RARRES1: variants seen among roughly 807,000 people sequenced by gnomAD.
The protein encoded by RARRES1 is retinoic acid receptor responder protein 1.
In RARRES1, 34 loss-of-function variants were observed where a neutral mutation model predicts 30.6. That is an observed-to-expected ratio of 1.11 (90% CI 0.84 to 1.48). RARRES1 has a LOEUF of 1.48. Among genes scored for constraint, RARRES1 ranks in the 40% most tolerant of loss-of-function variants. The pLI is 0.00. For synonymous variants in RARRES1, 153 were observed against 155.5 expected (o/e 0.98, Z 0.12); for missense variants, 373 against 386.5 (o/e 0.97, Z 0.29).
intron 1 of RARRES1, among the ~76,000 whole-genome samples, chr3:158,721,148 A>G (rs1727499470): frequency 6.6e-6 from 1 of 152,126 alleles, no homozygotes; most frequent in Admixed American, 6.5e-5. Flanking sequence ...TGCTCTGGAA[A>G]GGTAGTGTGT....
chr3:158,714,444 C>A (rs895654859), intron 1 of RARRES1, among the ~76,000 whole-genome samples: 1 of 152,152 alleles, frequency 6.6e-6, no homozygotes, highest in African/African-American at 2.4e-5. Flanking sequence ...GTGGGGGACA[C>A]CCGGTACAGG....
At chr3:158,715,108 G>C (rs1338469816) in intron 1 of RARRES1, among the ~76,000 whole-genome samples, 2 of 152,204 alleles carry the variant, frequency 1.3e-5, no homozygotes, top group African/African-American at 4.8e-5. Context: ...GTCTTCAAAC[G>C]AGTTCTGTTG....
intron 1 of RARRES1, among the ~76,000 whole-genome samples, chr3:158,725,739 A>AG (rs1328983823): frequency 6.6e-6 from 1 of 152,234 alleles, no homozygotes; most frequent in African/African-American, 2.4e-5. Flanking sequence ...CAAAGTGCCA[A>AG]GGAGGTCAAA....
rs555244302 is a variant in RARRES1, at chr3:158,719,018, A to G, written c.277-5159T>C. Among the ~76,000 whole-genome samples the G allele has an allele frequency of 5.9e-5, 9 of 152,314 alleles. 1 individual carries two copies. In the East Asian group the frequency reaches 1.7e-3, roughly 29 times the overall value. On this transcript the variant is annotated intron_variant, in intron 1 of 5. Coordinates refer to ENST00000237696, the MANE Select transcript of RARRES1 (RefSeq NM_206963.2). ...CCAGAACTGCCCATCTGTGAAACAG[A>G]TCAGGAAACTTGACATCCCTTTCTT...
At chr3:158,700,223 GTATA>G (rs201043411) in intron 4 of RARRES1, among the ~76,000 whole-genome samples, 94 of 147,340 alleles carry the variant, frequency 6.4e-4, no homozygotes, top group Admixed American at 1.7e-3. Context: ...GTGTGTGTGT[GTATA>G]TATATATATA....
chr3:158,705,682 A>T (rs1040470356), intron 3 of RARRES1: 1 of 152,318 alleles, frequency 6.6e-6, no homozygotes, highest in South Asian at 2.1e-4. Flanking sequence ...TCTACAGTCA[A>T]TGTGATGGTG....
rs544453035 is a variant in RARRES1 at position 158,722,053 on chromosome 3, T to C, written c.277-8194A>G. Among the ~76,000 whole-genome samples the C allele has an allele frequency of 2.6e-4, 34 of 130,262 alleles. No individual in the cohort carries two copies. In the Admixed American group the frequency reaches 2.6e-3, roughly 10 times the overall value. The allele number at this position is 130,262 out of a possible 152,430, so 85.5% of individuals were successfully genotyped here. A position where few individuals can be genotyped will look rare whatever the true frequency, so the allele number is the denominator to read the frequency against. On this transcript the variant is annotated intron_variant, in intron 1 of 5. Coordinates refer to ENST00000237696, the MANE Select transcript of RARRES1 (RefSeq NM_206963.2). ...TTGCGGGTGAGCCGAGATGGCATAATTGCACTCCAGCCTGGGCAACAAGAA... is the reference window on the plus strand; with the variant it reads ...TTGCGGGTGAGCCGAGATGGCATAACTGCACTCCAGCCTGGGCAACAAGAA...
At chr3:158,713,209 A>G (rs999886389) in intron 2 of RARRES1, among the ~76,000 whole-genome samples, 1 of 152,098 alleles carries the variant, frequency 6.6e-6, no homozygotes, top group African/African-American at 2.4e-5. Flanking sequence ...AGCTTGGCCT[A>G]GCACAAGGAA....
chr3:158,701,775 A>G (rs1454847312), intron 4 of RARRES1, among the ~76,000 whole-genome samples: 2 of 152,214 alleles, frequency 1.3e-5, no homozygotes, highest in African/African-American at 4.8e-5. Flanking sequence ...TTTTCTTTAA[A>G]AGAACTCTAA....
chr3:158,728,716 G>T (rs1727777154), intron 1 of RARRES1, among the ~76,000 whole-genome samples: 1 of 151,832 alleles, frequency 6.6e-6, no homozygotes, highest in Non-Finnish European at 1.5e-5. Context: ...TAGAGATGGG[G>T]TTTCACCATG....
At chr3:158,705,271 A>C (rs1049108461) in intron 3 of RARRES1, among the ~76,000 whole-genome samples, 2 of 152,126 alleles carry the variant, frequency 1.3e-5, no homozygotes, top group Non-Finnish European at 2.9e-5. Flanking sequence ...ACCACCCTTC[A>C]GGCCTGAGCT....
chr3:158,712,576 A>G (rs1239004630), intron 2 of RARRES1, among the ~76,000 whole-genome samples: 1 of 152,188 alleles, frequency 6.6e-6, no homozygotes, highest in Non-Finnish European at 1.5e-5. Flanking sequence ...AACATAGAAA[A>G]AAGGTGAAGG....
At chr3:158,728,994 A>C (rs191804359) in intron 1 of RARRES1, among the ~76,000 whole-genome samples, 230 of 152,226 alleles carry the variant, frequency 1.5e-3, no homozygotes, top group African/African-American at 5.2e-3. Context: ...CCTATGCTAA[A>C]TATGAATTAG....
At chr3:158,730,861 G>A (rs943876276) in intron 1 of RARRES1, among the ~76,000 whole-genome samples, 39 of 152,090 alleles carry the variant, frequency 2.6e-4, no homozygotes, top group Middle Eastern at 3.4e-3. Flanking sequence ...TCGGCTCACC[G>A]CAACCTCCGC....
intron 1 of RARRES1, among the ~76,000 whole-genome samples, chr3:158,730,365 C>CTCGCTCCTTCCT (rs1553746333): frequency 8.3e-6 from 1 of 120,240 alleles, no homozygotes; most frequent in East Asian, 2.9e-4. Flanking sequence ...GAATAGGTTG[C>CTCGCTCCTTCCT]TCCTTCCTTC....
chr3:158,697,542 A>G lies in RARRES1; in HGVS notation c.*136T>C, dbSNP rs1201098662. On this transcript the variant is annotated 3_prime_UTR_variant, in exon 6 of 6. Coordinates refer to ENST00000237696, the MANE Select transcript of RARRES1 (RefSeq NM_206963.2). ...AGAAACAAAAAACCAACATCTTTGC[A>G]TTTCTGAGTTTTTACTTGTAATCAT... is the stretch of plus-strand genomic sequence containing the variant. 11 of 971,710 alleles carry G rather than the reference A, an allele frequency of 1.1e-5. No individual in the cohort carries two copies. The highest frequency in any genetic ancestry group is 1.6e-5 in the Non-Finnish European group (11 of 668,732). 60.2% of individuals were successfully genotyped at this position (971,710 alleles called of 1,614,324 possible). A position where few individuals can be genotyped will look rare whatever the true frequency, so the allele number is the denominator to read the frequency against.
intron 1 of RARRES1, among the ~76,000 whole-genome samples, chr3:158,731,727 CA>C (rs1488488380): frequency 6.6e-6 from 1 of 152,234 alleles, no homozygotes; most frequent in Non-Finnish European, 1.5e-5. Context: ...ACTTTGGCTG[CA>C]GCCACTAGTA....
intron 3 of RARRES1, among the ~76,000 whole-genome samples, chr3:158,708,101 A>G (rs1221532748): frequency 6.6e-6 from 1 of 152,028 alleles, no homozygotes; most frequent in Non-Finnish European, 1.5e-5. Context: ...TTTTTTCCTC[A>G]TTGCTATGAG....
chr3:158,728,056 C>G (rs542352510), intron 1 of RARRES1, among the ~76,000 whole-genome samples: 5 of 152,304 alleles, frequency 3.3e-5, no homozygotes, highest in African/African-American at 1.2e-4. Context: ...AGTCTAAAGG[C>G]TTTCAAAACT....
Sources: gnomAD v4.1 joint callset for allele counts (sites outside exome capture counted in the v4.1 genomes callset) on GRCh38, gnomAD v4.1.1 for gene constraint, MANE v1.5 for transcripts, NCBI Gene and HGNC (gene_info 2026-07-23, HGNC 2026-07-21) for gene names.